Variants in OR56A3 observed in about 807,000 individuals in gnomAD.
OR56A3 encodes the protein olfactory receptor 56A3.
In OR56A3, 23 loss-of-function variants were observed where a neutral mutation model predicts 17.5. The ratio of observed to expected loss-of-function variants is 1.32; its 90% CI spans 0.95 to 1.87. The LOEUF (loss-of-function observed/expected upper bound fraction) is 1.87. OR56A3 is among the 40% of genes most tolerant of loss of function. The pLI is 0.00. For synonymous variants in OR56A3, 175 were observed against 150.6 expected (o/e 1.16, Z -1.19); for missense variants, 366 against 380.1 (o/e 0.96, Z 0.31).
the OR56A3 span, among the ~76,000 whole-genome samples, chr11:5,992,985 A>G: frequency 2.0e-5 from 3 of 152,324 alleles, no homozygotes; most frequent in East Asian, 5.8e-4. Flanking sequence ...GGGATGACAT[A>G]TATTAAGTAC....
chr11:5,953,388 T>A (rs1188180096), downstream of OR56A3, among the ~76,000 whole-genome samples: 1 of 152,220 alleles, frequency 6.6e-6, no homozygotes, highest in Non-Finnish European at 1.5e-5. Context: ...GATTTTCATT[T>A]CTCTTGATGA....
chr11:5,973,428 C>G, the OR56A3 span, among the ~76,000 whole-genome samples: 1 of 152,158 alleles, frequency 6.6e-6, no homozygotes, highest in African/African-American at 2.4e-5. Flanking sequence ...ACAGTGTTTA[C>G]AGTGTGGTAG....
the OR56A3 span, chr11:6,001,912 T>G: frequency 2.7e-6 from 2 of 749,322 alleles, no homozygotes; most frequent in Non-Finnish European, 2.0e-6. Context: ...CATTGTTGCC[T>G]GAGATATTGA....
chr11:5,981,016 T>C, the OR56A3 span, among the ~76,000 whole-genome samples: 5 of 152,354 alleles, frequency 3.3e-5, no homozygotes, highest in African/African-American at 1.2e-4. Flanking sequence ...TGTGAGGTTT[T>C]TTGCTGAAAG....
chr11:5,961,035 C>G, the OR56A3 span, among the ~76,000 whole-genome samples: 2,242 of 152,082 alleles, frequency 0.015, 48 homozygotes, highest in African/African-American at 0.05. Context: ...GGCAGCCGCC[C>G]CCCGTCTGGG....
the OR56A3 span, chr11:5,994,041 C>A: frequency 2.1e-6 from 1 of 473,454 alleles, no homozygotes; most frequent in South Asian, 1.5e-5. Flanking sequence ...AGGTGGTGAT[C>A]TCAGCCTCCA....
chr11:5,960,874 C>T, the OR56A3 span, among the ~76,000 whole-genome samples: 1 of 151,738 alleles, frequency 6.6e-6, no homozygotes. Context: ...TCTGCCTCGC[C>T]GCCCCGTCTG....
the OR56A3 span, among the ~76,000 whole-genome samples, chr11:6,007,715 A>G: frequency 6.6e-6 from 1 of 152,212 alleles, no homozygotes; most frequent in Admixed American, 6.5e-5. Flanking sequence ...ATACACCAGT[A>G]AGGAAGAAAC....
At chr11:5,986,168 C>A in the OR56A3 span, 1 of 1,613,786 alleles carries the variant, frequency 6.2e-7, no homozygotes, top group Non-Finnish European at 8.5e-7. Flanking sequence ...GTGCTAAACG[C>A]CTTAAGTCGG....
chr11:6,012,795 C>A, the OR56A3 span, among the ~76,000 whole-genome samples: 2 of 152,254 alleles, frequency 1.3e-5, no homozygotes, highest in African/African-American at 4.8e-5. Context: ...CCAAGCCACC[C>A]TCAGCACCTC....
chr11:5,992,319 GATATAAGAATACAAAATCT>G, the OR56A3 span, among the ~76,000 whole-genome samples: 1 of 152,262 alleles, frequency 6.6e-6, no homozygotes, highest in African/African-American at 2.4e-5. Context: ...AATGACTGCT[GATATAAGAATACAAAATCT>G]TGGCTCCCTT....
At chr11:6,006,092 G>T in the OR56A3 span, among the ~76,000 whole-genome samples, 1 of 152,186 alleles carries the variant, frequency 6.6e-6, no homozygotes, top group Non-Finnish European at 1.5e-5. Context: ...AGAAAATTCA[G>T]TGTAAGAAAG....
chr11:6,011,204 T>TATATATATATATA, the OR56A3 span, among the ~76,000 whole-genome samples: 3 of 122,524 alleles, frequency 2.4e-5, no homozygotes, highest in African/African-American at 9.2e-5. Context: ...GAGATTTATT[T>TATATATATATATA]TATATATATA....
chr11:5,961,495 A>C, the OR56A3 span, among the ~76,000 whole-genome samples: 1 of 152,228 alleles, frequency 6.6e-6, no homozygotes, highest in Non-Finnish European at 1.5e-5. Flanking sequence ...ACTCAGGGTT[A>C]AATGGATTAA....
At chr11:5,993,859 T>A in the OR56A3 span, 1 of 477,374 alleles carries the variant, frequency 2.1e-6, no homozygotes. Context: ...TAAAGGGTAC[T>A]CTGCCTCTGC....
At chr11:5,959,896 T>C in the OR56A3 span, among the ~76,000 whole-genome samples, 1 of 152,122 alleles carries the variant, frequency 6.6e-6, no homozygotes, top group East Asian at 1.9e-4. Flanking sequence ...GGATATTCAG[T>C]TTTTCCGATA....
chr11:5,961,828 A>G, the OR56A3 span, among the ~76,000 whole-genome samples: 2 of 151,482 alleles, frequency 1.3e-5, no homozygotes, highest in Non-Finnish European at 2.9e-5. Context: ...TTTTAACACC[A>G]TTATGTTGTT....
At chr11:5,992,217 T>G in the OR56A3 span, among the ~76,000 whole-genome samples, 21 of 152,344 alleles carry the variant, frequency 1.4e-4, no homozygotes, top group Middle Eastern at 3.4e-3. Context: ...GAGTGTCGCC[T>G]GCTGGAAGTT....
At chr11:6,016,729 A>T in the OR56A3 span, among the ~76,000 whole-genome samples, 1 of 151,976 alleles carries the variant, frequency 6.6e-6, no homozygotes, top group East Asian at 1.9e-4. Flanking sequence ...AAGTTCAGTG[A>T]GATACAAGAG....
Sources: gnomAD v4.1 joint callset for allele counts (sites outside exome capture counted in the v4.1 genomes callset) on GRCh38, gnomAD v4.1.1 for gene constraint, MANE v1.5 for transcripts, NCBI Gene and HGNC (gene_info 2026-07-23, HGNC 2026-07-21) for gene names.